Variants in TULP4 observed in about 807,000 individuals in gnomAD.
TULP4 encodes the protein TUB like protein 4.
TULP4 carries 16 observed loss-of-function variants against 129.0 expected under a neutral mutation model. The ratio of observed to expected loss-of-function variants is 0.12; its 90% CI spans 0.08 to 0.19. The LOEUF (loss-of-function observed/expected upper bound fraction) is 0.19, where lower values mean the gene tolerates loss of function less well. Ranked by LOEUF, TULP4 falls within the 10% of genes least tolerant of loss-of-function variation. The pLI is 1.00. For missense variants in TULP4, 1,842 were observed against 2,059.1 expected, an observed-to-expected ratio of 0.89 and a Z score of 2.04; for synonymous variants, 998 against 854.0, an observed-to-expected ratio of 1.17 and a Z score of -2.94.
intron 1 of TULP4, among the ~76,000 whole-genome samples, chr6:158,354,002 G>A (rs761768483): frequency 6.6e-6 from 1 of 152,182 alleles, no homozygotes; most frequent in Non-Finnish European, 1.5e-5. Context: ...CAGAGTCTTC[G>A]GGGAGCAATT....
At chr6:158,453,510 G>A (rs1165200453) in intron 5 of TULP4, among the ~76,000 whole-genome samples, 562 of 81,128 alleles carry the variant, frequency 6.9e-3, no homozygotes, top group Non-Finnish European at 9.5e-3. Flanking sequence ...AAAAAAAAAA[G>A]CCGGGCACGG....
intron 1 of TULP4, among the ~76,000 whole-genome samples, chr6:158,277,250 C>T (rs141639395): frequency 1.4e-4 from 21 of 152,266 alleles, no homozygotes; most frequent in African/African-American, 4.8e-4. Flanking sequence ...CCTACAGCAT[C>T]TATTTATGCT....
rs779845034 is a variant in TULP4, at chr6:158,380,910, A to AAAAAAAAAAAG, written c.253-32153_253-32152insAAAAAAAAGAA. Among the ~76,000 whole-genome samples, 43 of 135,102 alleles carry AAAAAAAAAAAG rather than the reference A, an allele frequency of 3.2e-4. 1 individual carries two copies. Among genetic ancestry groups the AAAAAAAAAAAG allele is most frequent in the Non-Finnish European group, 6.0e-4 (37 of 61,480 alleles). 88.6% of individuals were successfully genotyped at this position (135,102 alleles called of 152,430 possible). On this transcript the variant is annotated intron_variant, in intron 1 of 13. Transcript: ENST00000367097. Reference sequence around the variant, plus strand: ...CTCTGTCTCCAAAAAAAAAAAAAAAAAAGAAGAAGAAGAAGAAAGAGGTTT... The same window carrying AAAAAAAAAAAG: ...CTCTGTCTCCAAAAAAAAAAAAAAAAAAAAAAAAAAGAAGAAGAAGAAGAAGAAAGAGGTTT...
chr6:158,261,681 C>G lies in TULP4; in HGVS notation n.68+29378C>G, dbSNP rs7746332. ...CATGTAACAGAAAACTCAGGCGGCT[C>G]ATACAAAATGAATGTTGACTGTTCA... On this transcript the variant is annotated intron_variant and non_coding_transcript_variant, in intron 1 of 1. Coordinates refer to the TULP4 transcript ENST00000620026. Among the ~76,000 whole-genome samples the G allele has an allele frequency of 3.7e-3, 569 of 152,308 alleles. 4 individuals carry two copies. The highest frequency in any genetic ancestry group is 0.013 in the African/African-American group (542 of 41,552).
At position 158,502,997 on chromosome 6, in the gene TULP4, G is replaced by A. The variant is rs139425977; in HGVS notation, c.3334G>A (p.Ala1112Thr). 2.4e-5 allele frequency: 39 copies of A among 1,613,946 alleles called. No individual in the cohort carries two copies. In the African/African-American group the frequency reaches 3.5e-4, roughly 14 times the overall value. ...CTTGAGGCACCCTCCCCTGCCTGAA[G>A]CTGCTGTCACCCTGAAACGGCCACC... ...KPLRHPPLPEAAVTLKRPPPY... is the reference protein window; with the variant it reads ...KPLRHPPLPETAVTLKRPPPY... Residue 1112 changes from alanine to threonine, a missense_variant, in exon 13 of 14, where the codon GCT becomes ACT. Transcript: ENST00000367097.
chr6:158,276,189 C>T (rs548972384), intron 1 of TULP4, among the ~76,000 whole-genome samples: 2 of 152,168 alleles, frequency 1.3e-5, no homozygotes, highest in South Asian at 4.2e-4. Flanking sequence ...AGGCTGGTCT[C>T]GAACTCCTGA....
intron 1 of TULP4, among the ~76,000 whole-genome samples, chr6:158,331,409 A>G (rs1028539354): frequency 1.3e-5 from 2 of 152,044 alleles, no homozygotes; most frequent in Non-Finnish European, 1.5e-5. Flanking sequence ...AAATTTGGTC[A>G]AAGTGTCCCA....
intron 1 of TULP4, among the ~76,000 whole-genome samples, chr6:158,248,516 A>T (rs1778075915): frequency 6.6e-6 from 1 of 151,708 alleles, no homozygotes; most frequent in Non-Finnish European, 1.5e-5. Flanking sequence ...TGATCTGCCC[A>T]CCTCGGCCTC....
chr6:158,481,189 G>A lies in TULP4; in HGVS notation c.1386G>A (p.Leu462=), dbSNP rs531186195. 1.9e-6 allele frequency: 3 copies of A among 1,614,236 alleles called. No individual in the cohort carries two copies. The highest frequency in any genetic ancestry group is 2.2e-5 in the South Asian group (2 of 91,090). ...EVGGPCYTLY[L]EYLGGLVPIL... ...GCGGCCCGTGCTACACGCTCTACCT[G>A]GAGTACCTGGGCGGGCTTGTGCCCA... Residue 462 remains leucine (L), a synonymous_variant, in exon 8 of 14, where the codon CTG becomes CTA. Coordinates refer to ENST00000367097, the MANE Select transcript of TULP4 (RefSeq NM_020245.5).
intron 1 of TULP4, among the ~76,000 whole-genome samples, chr6:158,346,145 A>G (rs779309218): frequency 1.3e-5 from 2 of 152,138 alleles, no homozygotes; most frequent in African/African-American, 2.4e-5. Context: ...TTCAAGGTGC[A>G]CTGATTTCAT....
chr6:158,256,899 T>C (rs928836143), intron 1 of TULP4, among the ~76,000 whole-genome samples: 2 of 152,058 alleles, frequency 1.3e-5, no homozygotes, highest in Non-Finnish European at 2.9e-5. Context: ...GTGGGAGGGA[T>C]TGGTGTTTCA....
At chr6:158,239,678 G>C (rs1166623298) in intron 1 of TULP4, among the ~76,000 whole-genome samples, 3 of 66,852 alleles carry the variant, frequency 4.5e-5, no homozygotes, top group Admixed American at 1.5e-4. Flanking sequence ...GCGGCTGGCC[G>C]GGCAGAGGGG....
chr6:158,262,382 T>C (rs148556743), intron 1 of TULP4, among the ~76,000 whole-genome samples: 87 of 152,262 alleles, frequency 5.7e-4, no homozygotes, highest in Non-Finnish European at 1.1e-3. Flanking sequence ...ACGCCTACGG[T>C]GCTGAGTGCT....
rs542281187 is a variant in TULP4, at chr6:158,330,773, G to C, written c.252+16505G>C. ...TTAGGACCACACACTGCATTTAGTT[G>C]TTAGGTATCTTTAGACCCCTGTAAT... On this transcript the variant is annotated intron_variant, in intron 1 of 13. Transcript: ENST00000367097. Among the ~76,000 whole-genome samples, 35 of 152,256 alleles carry C rather than the reference G, an allele frequency of 2.3e-4. No individual in the cohort carries two copies. In the East Asian group the frequency reaches 6.4e-3, roughly 28 times the overall value.
At chr6:158,496,175 C>T (rs1430702728) in intron 11 of TULP4, among the ~76,000 whole-genome samples, 1 of 152,208 alleles carries the variant, frequency 6.6e-6, no homozygotes, top group Non-Finnish European at 1.5e-5. Context: ...TTCCCAGTTG[C>T]AGAATCACTG....
At chr6:158,265,699 A>T (rs577677629) in intron 1 of TULP4, among the ~76,000 whole-genome samples, 18 of 150,614 alleles carry the variant, frequency 1.2e-4, no homozygotes, top group South Asian at 1.1e-3. Context: ...AAAAAAAAAA[A>T]TTTTGGCTCA....
intron 5 of TULP4, among the ~76,000 whole-genome samples, chr6:158,453,319 A>AGCTAAACACAAAAAATTAG (rs1779205408): frequency 6.6e-6 from 1 of 151,662 alleles, no homozygotes; most frequent in Non-Finnish European, 1.5e-5. Flanking sequence ...TACAAAAATT[A>AGCTAAACACAAAAAATTAG]GCTAAACACA....
intron 1 of TULP4, among the ~76,000 whole-genome samples, chr6:158,294,210 A>G (rs1173507833): frequency 6.6e-6 from 1 of 152,034 alleles, no homozygotes. Context: ...CTAAAAATAC[A>G]AACATTAGCT....
intron 1 of TULP4, among the ~76,000 whole-genome samples, chr6:158,337,766 AT>A (rs1455271290): frequency 6.7e-6 from 1 of 148,664 alleles, no homozygotes; most frequent in Non-Finnish European, 1.5e-5. Flanking sequence ...TTCAAAAATT[AT>A]TTCTAGAAAG....
Sources: allele counts gnomAD v4.1 joint callset (sites outside exome capture counted in the v4.1 genomes callset), GRCh38; gene constraint gnomAD v4.1.1; transcripts MANE v1.5; gene names NCBI Gene and HGNC (gene_info 2026-07-23, HGNC 2026-07-21).